The following MPPED2 variants were observed in gnomAD, a reference collection of about 807,000 sequenced individuals.
The protein encoded by MPPED2 is metallophosphoesterase MPPED2.
In MPPED2, 5 loss-of-function variants were observed where a neutral mutation model predicts 33.0. That is an observed-to-expected ratio of 0.15 (90% CI 0.08 to 0.32). The LOEUF is 0.32. Ranked by LOEUF, MPPED2 falls within the 10% of genes least tolerant of loss-of-function variation. The pLI, the probability that MPPED2 is intolerant of heterozygous loss-of-function variation, is 1.00. For synonymous variants in MPPED2, 136 were observed against 141.9 expected, an observed-to-expected ratio of 0.96 and a Z score of 0.29; for missense variants, 275 against 372.1, an observed-to-expected ratio of 0.74 and a Z score of 2.15.
At chr11:30,566,741 AATAAAACGAAAAAG>A (rs938542789) in intron 2 of MPPED2, among the ~76,000 whole-genome samples, 3 of 152,216 alleles carry the variant, frequency 2.0e-5, no homozygotes, top group Non-Finnish European at 4.4e-5. Flanking sequence ...GCAAAAAATA[AATAAAACGAAAAAG>A]ATAAGGTCAC....
At chr11:30,441,106 CTT>C (rs1221590685) in intron 4 of MPPED2, among the ~76,000 whole-genome samples, 2 of 152,166 alleles carry the variant, frequency 1.3e-5, no homozygotes, top group Non-Finnish European at 1.5e-5. Context: ...TCAGAACACT[CTT>C]TTGGAAATAC....
chr11:30,547,604 T>C (rs1198472996), intron 2 of MPPED2, among the ~76,000 whole-genome samples: 1 of 152,214 alleles, frequency 6.6e-6, no homozygotes, highest in African/African-American at 2.4e-5. Context: ...AACTTATAGA[T>C]AATGAAAAGC....
At chr11:30,489,822 C>T (rs533250023) in intron 4 of MPPED2, among the ~76,000 whole-genome samples, 1 of 152,254 alleles carries the variant, frequency 6.6e-6, no homozygotes, top group East Asian at 1.9e-4. Context: ...TGCAGGCTTT[C>T]GCTGAACAAT....
intron 2 of MPPED2, among the ~76,000 whole-genome samples, chr11:30,545,295 G>A (rs1012509359): frequency 1.5e-4 from 23 of 152,206 alleles, no homozygotes; most frequent in Admixed American, 5.2e-4. Flanking sequence ...TAGGTATATA[G>A]TGACAAAACC....
rs143851073 is a variant in MPPED2 at position 30,544,311 on chromosome 11, T to G, written c.129-8136A>C. Among the ~76,000 whole-genome samples, 26 of 152,308 alleles carry G rather than the reference T, an allele frequency of 1.7e-4. 1 individual carries two copies. The East Asian group carries it at 4.1e-3, about 24-fold the overall frequency. On this transcript the variant is annotated intron_variant, in intron 2 of 6. Transcript: ENST00000358117. Reference sequence around the variant, plus strand: ...GCAATCACGTTAATCAGCTTAAAATTCTGGGTAATGGCCTTGCATTTGAGA... The same window carrying G: ...GCAATCACGTTAATCAGCTTAAAATGCTGGGTAATGGCCTTGCATTTGAGA...
intron 6 of MPPED2, among the ~76,000 whole-genome samples, chr11:30,400,318 C>T (rs1947892902): frequency 6.6e-6 from 1 of 151,914 alleles, no homozygotes; most frequent in Admixed American, 6.6e-5. Context: ...TCAAGCAATC[C>T]TCCCACTCCT....
intron 4 of MPPED2, among the ~76,000 whole-genome samples, chr11:30,443,464 T>A (rs1205053493): frequency 6.6e-6 from 1 of 152,102 alleles, no homozygotes; most frequent in African/African-American, 2.4e-5. Context: ...TTGTCTTCCT[T>A]ATATATCACT....
intron 4 of MPPED2, among the ~76,000 whole-genome samples, chr11:30,467,717 A>T (rs77029805): frequency 3.1e-3 from 465 of 152,342 alleles, no homozygotes; most frequent in Non-Finnish European, 4.4e-3. Flanking sequence ...AAATATATTG[A>T]TGTGAAATTT....
intron 4 of MPPED2, chr11:30,451,952 T>C (rs1195926507): frequency 5.1e-6 from 5 of 985,394 alleles, no homozygotes; most frequent in Non-Finnish European, 6.0e-6. Context: ...ATCACACCAA[T>C]TAATTCGGCC....
intron 4 of MPPED2, among the ~76,000 whole-genome samples, chr11:30,439,774 C>G (rs1419099212): frequency 6.6e-6 from 1 of 152,146 alleles, no homozygotes; most frequent in Non-Finnish European, 1.5e-5. Flanking sequence ...TAATTTGTAA[C>G]CTGTTTTTTG....
chr11:30,479,603 T>C (rs541668170), intron 4 of MPPED2, among the ~76,000 whole-genome samples: 1 of 151,924 alleles, frequency 6.6e-6, no homozygotes, highest in South Asian at 2.1e-4. Context: ...AAGGTTTGAT[T>C]TTGAGGATAG....
At chr11:30,542,824 C>T (rs1471425509) in intron 2 of MPPED2, among the ~76,000 whole-genome samples, 1 of 152,144 alleles carries the variant, frequency 6.6e-6, no homozygotes, top group East Asian at 1.9e-4. Flanking sequence ...GATTTTCTAA[C>T]TTTCAATTCA....
intron 4 of MPPED2, among the ~76,000 whole-genome samples, chr11:30,423,888 C>A (rs1259763378): frequency 6.6e-6 from 1 of 152,148 alleles, no homozygotes; most frequent in Non-Finnish European, 1.5e-5. Context: ...ATCATAGACC[C>A]TCCTGCTCCA....
Position 30,417,502 on chromosome 11 carries a change from C to A in MPPED2, c.652+16G>T. On this transcript the variant is annotated intron_variant, in intron 5 of 6. Coordinates refer to ENST00000358117, the MANE Select transcript of MPPED2 (RefSeq NM_001584.3). Reference sequence around the variant, plus strand: ...AAGGCATCTGGATGACAAAGGACAACCTTTGCTTCACTTACCTAGAGGAGG... The same window carrying A: ...AAGGCATCTGGATGACAAAGGACAAACTTTGCTTCACTTACCTAGAGGAGG... The A allele has an allele frequency of 1.3e-6, 2 of 1,485,968 alleles. No homozygotes were observed. Among genetic ancestry groups the A allele is most frequent in the Non-Finnish European group, 9.4e-7 (1 of 1,065,238 alleles). The allele number at this position is 1,485,968 out of a possible 1,614,324, so 92.0% of individuals were successfully genotyped here.
rs566869736 is a variant in MPPED2 at position 30,447,571 on chromosome 11, C to T, written c.537-29938G>A. Among the ~76,000 whole-genome samples, 53 of 152,114 alleles carry T rather than the reference C, an allele frequency of 3.5e-4. 1 individual carries two copies. The South Asian group carries it at 0.011, about 31-fold the overall frequency. Reference sequence around the variant, plus strand: ...TGATAAAGTGTGGGGTGTCAAGAAGCGGCAGCAACCAGAAATTAGACTGAC... The same window carrying T: ...TGATAAAGTGTGGGGTGTCAAGAAGTGGCAGCAACCAGAAATTAGACTGAC... On this transcript the variant is annotated intron_variant, in intron 4 of 6. Transcript: ENST00000358117.
rs961553326 is a variant in MPPED2, at chr11:30,469,903, C to T, written c.536+25393G>A. Among the ~76,000 whole-genome samples, 10 of 152,140 alleles carry T rather than the reference C, an allele frequency of 6.6e-5. 1 individual carries two copies. The highest frequency in any genetic ancestry group is 6.5e-4 in the Admixed American group (10 of 15,276). ...AATTCTTCAAGGAAAGCACTTATGG[C>T]TCATTATCACTGTGTCATGGAAGGT... is the stretch of plus-strand genomic sequence containing the variant. On this transcript the variant is annotated intron_variant, in intron 4 of 6. Coordinates refer to ENST00000358117, the MANE Select transcript of MPPED2 (RefSeq NM_001584.3).
intron 3 of MPPED2, among the ~76,000 whole-genome samples, chr11:30,516,351 T>C (rs2134342744): frequency 6.6e-6 from 1 of 152,346 alleles, no homozygotes; most frequent in African/African-American, 2.4e-5. Flanking sequence ...CATTTCTTGT[T>C]CTTAAAGGGT....
chr11:30,457,838 A>G (rs1443689046), intron 4 of MPPED2, among the ~76,000 whole-genome samples: 1 of 152,108 alleles, frequency 6.6e-6, no homozygotes, highest in Non-Finnish European at 1.5e-5. Flanking sequence ...AGCCAAACTC[A>G]TACGTGAGTC....
chr11:30,580,993 A>G (rs1590939840), intron 1 of MPPED2, among the ~76,000 whole-genome samples: 1 of 152,260 alleles, frequency 6.6e-6, no homozygotes. Flanking sequence ...GTATTACTAT[A>G]ACATGCACAT....
Sources: allele counts gnomAD v4.1 joint callset (sites outside exome capture counted in the v4.1 genomes callset), GRCh38; gene constraint gnomAD v4.1.1; transcripts MANE v1.5; gene names NCBI Gene and HGNC (gene_info 2026-07-23, HGNC 2026-07-21).